SCN1A: variants seen among roughly 807,000 people sequenced by gnomAD.
SCN1A encodes the protein sodium channel protein type 1 subunit alpha.
A neutral mutation model predicts 193.7 loss-of-function variants in SCN1A; 13 were observed. The ratio of observed to expected loss-of-function variants is 0.07; its 90% CI spans 0.04 to 0.11. The LOEUF is 0.11. SCN1A is among the 10% of genes least tolerant of loss of function. The pLI, the probability that SCN1A is intolerant of heterozygous loss-of-function variation, is 1.00. For missense variants in SCN1A, 1,432 were observed against 2,451.1 expected (o/e 0.58, Z 8.78); for synonymous variants, 781 against 843.6 (o/e 0.93, Z 1.29).
At chr2:166,035,224 A>G (rs1319173789) in intron 19 of SCN1A, among the ~76,000 whole-genome samples, 1 of 152,112 alleles carries the variant, frequency 6.6e-6, no homozygotes, top group African/African-American at 2.4e-5. Flanking sequence ...CCCTAAGCTA[A>G]TTTTCTTATC....
intron 4 of SCN1A, among the ~76,000 whole-genome samples, chr2:166,063,747 AG>A (rs1683559750): frequency 6.6e-6 from 1 of 152,132 alleles, no homozygotes; most frequent in Admixed American, 6.6e-5. Context: ...TAATTTTAAC[AG>A]TATTTTCTTT....
chr2:166,008,239 A>C (rs1260509291), intron 23 of SCN1A, among the ~76,000 whole-genome samples: 3 of 151,232 alleles, frequency 2.0e-5, no homozygotes, highest in Non-Finnish European at 4.4e-5. Context: ...TTTTTATAGA[A>C]ATGAAGTGTA....
chr2:166,135,323 C>T (rs145243241), intron 1 of SCN1A, among the ~76,000 whole-genome samples: 4 of 152,218 alleles, frequency 2.6e-5, no homozygotes, highest in South Asian at 2.1e-4. Context: ...ATGAAGACAA[C>T]GCTTTATTTA....
At chr2:166,007,054 G>C (rs1188025537) in intron 23 of SCN1A, among the ~76,000 whole-genome samples, 3 of 149,068 alleles carry the variant, frequency 2.0e-5, no homozygotes, top group Non-Finnish European at 4.5e-5. Flanking sequence ...AATTCATAAA[G>C]GTTTTTTTTT....
chr2:166,083,231 T>C (rs535200200), intron 2 of SCN1A, among the ~76,000 whole-genome samples: 1 of 152,080 alleles, frequency 6.6e-6, no homozygotes. Context: ...GATTTCTCAA[T>C]AAGCCAATTT....
chr2:166,106,465 G>A (rs557634345), intron 2 of SCN1A, among the ~76,000 whole-genome samples: 3 of 152,088 alleles, frequency 2.0e-5, no homozygotes, highest in Admixed American at 6.5e-5. Context: ...TGTCCTGGCC[G>A]GAGCTCTGGT....
intron 2 of SCN1A, among the ~76,000 whole-genome samples, chr2:166,100,232 T>C (rs1452690722): frequency 1.5e-5 from 2 of 129,320 alleles, no homozygotes. Flanking sequence ...ATCTGATCTT[T>C]GACAAACCTG....
chr2:166,082,199 A>C (rs1183668735), intron 2 of SCN1A, among the ~76,000 whole-genome samples: 2 of 151,812 alleles, frequency 1.3e-5, no homozygotes, highest in Non-Finnish European at 2.9e-5. Flanking sequence ...TTTAATAGAA[A>C]ACAAACTGAA....
chr2:166,111,092 T>C (rs1689246451), intron 2 of SCN1A, among the ~76,000 whole-genome samples: 2 of 152,122 alleles, frequency 1.3e-5, no homozygotes, highest in African/African-American at 4.8e-5. Context: ...CAATCATTGA[T>C]GAAGGTGACT....
At chr2:166,067,853 T>C (rs1684014552) in intron 4 of SCN1A, among the ~76,000 whole-genome samples, 1 of 152,026 alleles carries the variant, frequency 6.6e-6, no homozygotes, top group Admixed American at 6.6e-5. Flanking sequence ...ACAGAGACCA[T>C]CCCATACCAA....
At chr2:166,033,725 T>G (rs1695941993) in intron 19 of SCN1A, among the ~76,000 whole-genome samples, 1 of 152,152 alleles carries the variant, frequency 6.6e-6, no homozygotes, top group African/African-American at 2.4e-5. Context: ...ATAAAAAGGT[T>G]AGTGTTTCTT....
intron 4 of SCN1A, among the ~76,000 whole-genome samples, chr2:166,069,964 A>T (rs1684247521): frequency 6.6e-6 from 1 of 152,170 alleles, no homozygotes; most frequent in South Asian, 2.1e-4. Context: ...CACCCAGCCA[A>T]TCTCAGATAA....
intron 2 of SCN1A, among the ~76,000 whole-genome samples, chr2:166,080,595 G>C (rs1330755361): frequency 6.6e-6 from 1 of 151,324 alleles, no homozygotes; most frequent in African/African-American, 2.4e-5. Context: ...TACATTAAAA[G>C]TGGAATTCAA....
chr2:166,141,386 T>A lies in SCN1A; in HGVS notation c.-50+7661A>T, dbSNP rs1289847067. Among the ~76,000 whole-genome samples the A allele has an allele frequency of 3.3e-5, 5 of 152,150 alleles. No homozygotes were observed. The East Asian group carries it at 9.6e-4, about 29-fold the overall frequency. ...TATACGTGTTTTATATTTTTCTTTT[T>A]TTTATAAATAACATTGTACCAGACA... On this transcript the variant is annotated intron_variant, in intron 1 of 26. Coordinates refer to the SCN1A transcript ENST00000635750.
rs1689141006 is a variant in SCN1A, at chr2:166,110,167, C to T, written c.-142+16757G>A. 2.0e-5 allele frequency among the ~76,000 whole-genome samples: 3 copies of T among 150,180 alleles called. No homozygotes were observed. The South Asian group carries it at 6.3e-4, about 31-fold the overall frequency. On this transcript the variant is annotated intron_variant, in intron 2 of 28. Transcript: ENST00000674923. ...GGTATACACCTACTATGTAGCCATA[C>T]AAATAAAAAAAATTTTTTTTTAATC...
intron 2 of SCN1A, among the ~76,000 whole-genome samples, chr2:166,101,364 TG>T (rs1319765291): frequency 6.5e-5 from 3 of 46,280 alleles, no homozygotes; most frequent in African/African-American, 2.7e-4. Flanking sequence ...TGTGGTGGGG[TG>T]GGGGGAGGGG....
chr2:166,066,664 G>T (rs1683872846), intron 4 of SCN1A, among the ~76,000 whole-genome samples: 1 of 152,006 alleles, frequency 6.6e-6, no homozygotes, highest in Non-Finnish European at 1.5e-5. Context: ...CTAAGAAAAT[G>T]AGGCCATCAG....
intron 18 of SCN1A, 147 bp downstream of exon 18, chr2:166,037,629 C>A: frequency 1.3e-6 from 1 of 759,116 alleles, no homozygotes; most frequent in Non-Finnish European, 2.2e-6. Flanking sequence ...TTCTTTTTGA[C>A]AAAACAGTCA....
At chr2:166,012,050 T>C (rs1469371931) in intron 22 of SCN1A, 59 bp downstream of exon 22, 24 of 1,493,252 alleles carry the variant, frequency 1.6e-5, no homozygotes, top group Non-Finnish European at 2.1e-5. Flanking sequence ...TATTGTAGAA[T>C]TTGAATATAA....
Sources: gnomAD v4.1 joint callset for allele counts (sites outside exome capture counted in the v4.1 genomes callset) on GRCh38, gnomAD v4.1.1 for gene constraint, MANE v1.5 for transcripts, NCBI Gene and HGNC (gene_info 2026-07-23, HGNC 2026-07-21) for gene names.